CCSER1: variants seen among roughly 807,000 people sequenced by gnomAD.
CCSER1 encodes the protein serine-rich coiled-coil domain-containing protein 1.
In CCSER1, 41 loss-of-function variants were observed where a neutral mutation model predicts 82.0. The observed-to-expected ratio is 0.50, with a 90% CI of 0.39 to 0.65. CCSER1 has a LOEUF of 0.65. Ranked by LOEUF, CCSER1 falls within the 30% of genes least tolerant of loss-of-function variation. The pLI is 0.00. For missense variants in CCSER1, 1,119 were observed against 1,064.2 expected (o/e 1.05, Z -0.72); for synonymous variants, 414 against 383.9 (o/e 1.08, Z -0.92).
chr4:90,932,990 A>AAGAAAG lies in CCSER1; in HGVS notation c.2172+9545_2172+9550dup, dbSNP rs1561385285. On this transcript the variant is annotated intron_variant, in intron 9 of 10. Coordinates refer to ENST00000509176, the MANE Select transcript of CCSER1 (RefSeq NM_001145065.2). ...AGAAAGAAAGAAAGAAAGAGAAAGAAAGAAAGAAAGAAAGAAAGAAAGAAA... is the reference window on the plus strand; with the variant it reads ...AGAAAGAAAGAAAGAAAGAGAAAGAAAGAAAGAGAAAGAAAGAAAGAAAGAAAGAAA... 3.3e-4 allele frequency among the ~76,000 whole-genome samples: 16 copies of AAGAAAG among 48,478 alleles called. 5 individuals carry two copies. Among genetic ancestry groups the AAGAAAG allele is most frequent in the Admixed American group, 6.9e-4 (3 of 4,366 alleles). The allele number at this position is 48,478 out of a possible 152,430, so 31.8% of individuals were successfully genotyped here. A position where few individuals can be genotyped will look rare whatever the true frequency, so the allele number is the denominator to read the frequency against.
intron 5 of CCSER1, among the ~76,000 whole-genome samples, chr4:90,534,441 T>TTGTGTG (rs376987549): frequency 0.044 from 5,980 of 136,374 alleles, 125 homozygotes; most frequent in African/African-American, 0.05. Flanking sequence ...TGCCAGCCTT[T>TTGTGTG]TGTGTGTGTG....
In CCSER1 at chr4:91,423,264, T is replaced by TA. The variant is rs143322815; in HGVS notation, c.2218-175292dup. Among the ~76,000 whole-genome samples the TA allele has an allele frequency of 4.6e-3, 632 of 138,328 alleles. 4 individuals carry two copies. Among genetic ancestry groups the TA allele is most frequent in the East Asian group, 7.5e-3 (36 of 4,794 alleles). The allele number at this position is 138,328 out of a possible 152,430, so 90.7% of individuals were successfully genotyped here. A position where few individuals can be genotyped will look rare whatever the true frequency, so the allele number is the denominator to read the frequency against. ...AACATGGTGAAAACCCGTCTCTACTTAAAAAAAAAAAAAAAATTAGCCAGG... is the reference window on the plus strand; with the variant it reads ...AACATGGTGAAAACCCGTCTCTACTTAAAAAAAAAAAAAAAAATTAGCCAGG... On this transcript the variant is annotated intron_variant, in intron 10 of 10. Transcript: ENST00000509176.
At chr4:90,919,148 A>G (rs1212276691) in intron 8 of CCSER1, among the ~76,000 whole-genome samples, 2 of 151,094 alleles carry the variant, frequency 1.3e-5, no homozygotes, top group African/African-American at 2.4e-5. Context: ...AATATAGACA[A>G]GGTGGACACC....
At chr4:90,815,692 C>A in intron 7 of CCSER1, 70 bp from the exon 8 acceptor site, 1 of 1,051,968 alleles carries the variant, frequency 9.5e-7, no homozygotes. Context: ...CTGTGTGAAG[C>A]TGACTTTCCT....
intron 9 of CCSER1, among the ~76,000 whole-genome samples, chr4:91,052,017 T>C (rs762641778): frequency 2.4e-4 from 37 of 152,228 alleles, no homozygotes; most frequent in African/African-American, 4.8e-4. Context: ...TCATGCTTTA[T>C]CTAAAATATT....
At chr4:90,372,845 A>G (rs959815528) in intron 3 of CCSER1, among the ~76,000 whole-genome samples, 3 of 152,032 alleles carry the variant, frequency 2.0e-5, no homozygotes, top group Non-Finnish European at 2.9e-5. Context: ...TCATTTTATT[A>G]TAAGTGATTA....
intron 10 of CCSER1, among the ~76,000 whole-genome samples, chr4:91,284,584 G>A (rs564918770): frequency 6.6e-5 from 10 of 152,152 alleles, no homozygotes; most frequent in African/African-American, 2.4e-4. Flanking sequence ...GCTCTCCAAA[G>A]TGCCATCAGA....
At chr4:90,952,004 C>T (rs1487943745) in intron 9 of CCSER1, among the ~76,000 whole-genome samples, 2 of 151,906 alleles carry the variant, frequency 1.3e-5, no homozygotes, top group Non-Finnish European at 2.9e-5. Flanking sequence ...GGATAAAACA[C>T]TAACTGTCAA....
intron 10 of CCSER1, among the ~76,000 whole-genome samples, chr4:91,222,132 G>A (rs895698515): frequency 6.6e-6 from 1 of 151,164 alleles, no homozygotes; most frequent in Non-Finnish European, 1.5e-5. Context: ...GTGGGGGAGG[G>A]AAAGTGTGGC....
intron 5 of CCSER1, among the ~76,000 whole-genome samples, chr4:90,590,970 T>C (rs1341946495): frequency 1.3e-5 from 2 of 152,194 alleles, no homozygotes; most frequent in Non-Finnish European, 2.9e-5. Flanking sequence ...CTCTCTTATT[T>C]CTTTGAACAA....
chr4:90,512,986 A>G (rs1280247397), intron 5 of CCSER1, among the ~76,000 whole-genome samples: 2 of 152,126 alleles, frequency 1.3e-5, no homozygotes, highest in African/African-American at 4.8e-5. Context: ...AGAATTTTTT[A>G]TAATTATTTT....
At chr4:91,352,440 G>A (rs376790330) in intron 10 of CCSER1, among the ~76,000 whole-genome samples, 100 of 152,178 alleles carry the variant, frequency 6.6e-4, no homozygotes, top group Middle Eastern at 3.4e-3. Context: ...TAGAGACAGC[G>A]TTTCACTGTG....
chr4:90,308,958 G>A lies in CCSER1; in HGVS notation c.674G>A (p.Arg225Lys), dbSNP rs1421725979. The A allele has an allele frequency of 1.9e-6, 3 of 1,613,644 alleles. No individual in the cohort carries two copies. The African/African-American group carries it at 4.0e-5, about 22-fold the overall frequency. Residue 225 changes from arginine (R) to lysine (K), a missense_variant, in exon 2 of 11, where the codon AGA becomes AAA. Arg to Lys is a conservative substitution (Grantham distance 26, BLOSUM62 2). Transcript: ENST00000509176. ...CAAGAGAGAGAACCTGTATTAGTAA[G>A]AGCTTCGCCATCCTGTTCTGTGGAT... The part of the protein sequence containing the change: ...QYQEREPVLV[R>K]ASPSCSVDVT...
chr4:91,399,562 T>G (rs913629629), intron 10 of CCSER1, among the ~76,000 whole-genome samples: 4 of 151,968 alleles, frequency 2.6e-5, no homozygotes, highest in Non-Finnish European at 5.9e-5. Flanking sequence ...TGCTGCTGTT[T>G]CTTAGTTTCC....
At chr4:91,135,009 G>A (rs1728336954) in intron 10 of CCSER1, among the ~76,000 whole-genome samples, 1 of 151,652 alleles carries the variant, frequency 6.6e-6, no homozygotes, top group South Asian at 2.1e-4. Context: ...GCACTGAGCT[G>A]AGATTGCACC....
intron 7 of CCSER1, among the ~76,000 whole-genome samples, chr4:90,760,636 T>C (rs1750276612): frequency 6.6e-6 from 1 of 152,098 alleles, no homozygotes; most frequent in Non-Finnish European, 1.5e-5. Context: ...TTTAAACAAA[T>C]AGAAATGTTC....
Position 90,383,842 on chromosome 4 carries a change from C to A in CCSER1, c.1510-16194C>A, listed in dbSNP as rs570528225. Among the ~76,000 whole-genome samples, 6 of 152,044 alleles carry A rather than the reference C, an allele frequency of 3.9e-5. No homozygotes were observed. In the South Asian group the frequency reaches 1.2e-3, roughly 32 times the overall value. ...AAAGTTCTGGACTCAATCATTCCTGCTATTGAAGGCTCCTGAGTAGCTAGG... is the reference window on the plus strand; with the variant it reads ...AAAGTTCTGGACTCAATCATTCCTGATATTGAAGGCTCCTGAGTAGCTAGG... On this transcript the variant is annotated intron_variant, in intron 3 of 10. Coordinates refer to ENST00000509176, the MANE Select transcript of CCSER1 (RefSeq NM_001145065.2).
At chr4:91,199,148 A>T (rs867051075) in intron 10 of CCSER1, among the ~76,000 whole-genome samples, 27 of 152,272 alleles carry the variant, frequency 1.8e-4, no homozygotes, top group African/African-American at 5.8e-4. Flanking sequence ...AGTGTTTATT[A>T]GCTCTAGCCT....
chr4:90,163,851 A>G (rs1729940764), intron 1 of CCSER1, among the ~76,000 whole-genome samples: 1 of 152,138 alleles, frequency 6.6e-6, no homozygotes, highest in African/African-American at 2.4e-5. Context: ...GTGGGAATGA[A>G]GTGGGGTTGG....
Sources: gnomAD v4.1 joint callset for allele counts (sites outside exome capture counted in the v4.1 genomes callset) on GRCh38, gnomAD v4.1.1 for gene constraint, MANE v1.5 for transcripts, NCBI Gene and HGNC (gene_info 2026-07-23, HGNC 2026-07-21) for gene names.